The following ADGRV1 variants were observed in gnomAD, a reference collection of about 807,000 sequenced individuals.
ADGRV1 encodes the protein G-protein coupled receptor 98.
A neutral mutation model predicts 596.2 loss-of-function variants in ADGRV1; 359 were observed. The observed-to-expected ratio is 0.60, with a 90% CI of 0.55 to 0.66. ADGRV1 has a LOEUF of 0.66. Among genes scored for constraint, ADGRV1 ranks in the 30% least tolerant of loss-of-function variants. The probability of loss-of-function intolerance (pLI) is 0.00; values close to 1 mark genes in which losing one functional copy is unlikely to be tolerated. For synonymous variants in ADGRV1, 2,681 were observed against 2,679.2 expected (o/e 1.00, Z -0.02); for missense variants, 7,274 against 7,575.6 (o/e 0.96, Z 1.48).
At chr5:90,676,774 C>T (rs1392328019) in intron 25 of ADGRV1, 2 of 152,696 alleles carry the variant, frequency 1.3e-5, no homozygotes, top group African/African-American at 2.4e-5. Context: ...CTAGATCTAT[C>T]TACAGATATA....
At chr5:90,648,407 T>C (rs553564714) in intron 17 of ADGRV1, among the ~76,000 whole-genome samples, 1 of 152,336 alleles carries the variant, frequency 6.6e-6, no homozygotes, top group South Asian at 2.1e-4. Context: ...AAGGAGTTTT[T>C]TTTTCCTTGA....
chr5:90,988,124 T>C (rs1222380149), intron 85 of ADGRV1, among the ~76,000 whole-genome samples: 1 of 152,192 alleles, frequency 6.6e-6, no homozygotes, highest in African/African-American at 2.4e-5. Context: ...CTTCTCTTCT[T>C]TACAAGATTG....
chr5:90,704,485 C>G lies in ADGRV1; in HGVS notation c.8383C>G (p.Gln2795Glu). ...AGTCATTCTGTATGATGTCAGGACA[C>G]AAGGTAATTCAGAATTTAATTTTAA... ...YQVILYDVRT[Q>E]GVPPAGIALL... is the part of the protein sequence containing the mutation. The change falls in exon 36 of 90, where the codon CAA becomes GAA. Residue 2795 changes from glutamine (Q) to glutamate (E), a missense_variant. Gln to Glu is a conservative substitution (Grantham distance 29, BLOSUM62 2). This residue lies in a region of ADGRV1 where 3,643 missense variants were observed against 3,809.2 expected (regional missense o/e 0.96). Transcript: ENST00000405460. The G allele has an allele frequency of 2.0e-6, 3 of 1,511,950 alleles. No homozygotes were observed. The highest frequency in any genetic ancestry group is 2.7e-6 in the Non-Finnish European group (3 of 1,112,208). 93.7% of individuals were successfully genotyped at this position (1,511,950 alleles called of 1,614,324 possible).
At chr5:91,002,213 A>G (rs77767762) in intron 85 of ADGRV1, among the ~76,000 whole-genome samples, 1 of 152,160 alleles carries the variant, frequency 6.6e-6, no homozygotes, top group Non-Finnish European at 1.5e-5. Context: ...GTTCTGCTCA[A>G]TGAAATTTTT....
At position 90,648,303 on chromosome 5, in the gene ADGRV1, C is replaced by T. The variant is rs760487760; in HGVS notation, c.3289+539C>T. 2.1e-3 allele frequency among the ~76,000 whole-genome samples: 326 copies of T among 152,342 alleles called. 4 individuals are homozygous for T. Among genetic ancestry groups the T allele is most frequent in the East Asian group, 7.7e-4 (4 of 5,186 alleles). ...AATGAAACAGGATGTTTTAACCCCA[C>T]TCTTTGGGATTTGAGAATGTTTTGG... is the stretch of plus-strand genomic sequence containing the variant. On this transcript the variant is annotated intron_variant, in intron 17 of 89. Transcript: ENST00000405460.
intron 50 of ADGRV1, among the ~76,000 whole-genome samples, chr5:90,733,959 G>T (rs186855807): frequency 2.0e-5 from 3 of 152,112 alleles, no homozygotes; most frequent in Admixed American, 6.6e-5. Flanking sequence ...GACTATTGTT[G>T]TACCCTTTGC....
chr5:91,001,448 C>T (rs769598904), intron 85 of ADGRV1, among the ~76,000 whole-genome samples: 2 of 152,042 alleles, frequency 1.3e-5, no homozygotes, highest in Non-Finnish European at 2.9e-5. Flanking sequence ...TGAAATTAAC[C>T]ATCACATGTC....
chr5:90,596,461 CG>C (rs1407919954), intron 1 of ADGRV1, among the ~76,000 whole-genome samples: 1 of 151,870 alleles, frequency 6.6e-6, no homozygotes, highest in Non-Finnish European at 1.5e-5. Flanking sequence ...GAGGTTGTAG[CG>C]AGCCGAGATC....
chr5:90,615,538 A>G (rs960973183), intron 2 of ADGRV1, among the ~76,000 whole-genome samples: 3 of 151,934 alleles, frequency 2.0e-5, no homozygotes, highest in Admixed American at 2.0e-4. Context: ...TTGTGTGTGC[A>G]TAAGTATGTG....
chr5:90,758,089 T>C (rs1044404547), intron 57 of ADGRV1, among the ~76,000 whole-genome samples: 9 of 152,216 alleles, frequency 5.9e-5, no homozygotes, highest in South Asian at 2.1e-4. Context: ...TCCCAGCACT[T>C]TGGGAGGCCG....
At chr5:90,907,609 T>A (rs1430019815) in intron 83 of ADGRV1, among the ~76,000 whole-genome samples, 1 of 152,054 alleles carries the variant, frequency 6.6e-6, no homozygotes, top group Non-Finnish European at 1.5e-5. Flanking sequence ...CCAACTGTGA[T>A]TTCTCCCATC....
chr5:90,910,554 TC>T (rs1772780417), intron 83 of ADGRV1, among the ~76,000 whole-genome samples: 13 of 11,238 alleles, frequency 1.2e-3, no homozygotes, highest in East Asian at 4.8e-3. Flanking sequence ...ATATATATTA[TC>T]TATCTATCTA....
At chr5:91,063,846 CTGGTGG>C (rs199538556) in intron 85 of ADGRV1, among the ~76,000 whole-genome samples, 10 of 151,138 alleles carry the variant, frequency 6.6e-5, no homozygotes, top group East Asian at 5.8e-4. Flanking sequence ...CATAGGGGAG[CTGGTGG>C]TGGTGGTGGT....
chr5:90,945,528 T>G (rs1346502179), intron 83 of ADGRV1, among the ~76,000 whole-genome samples: 1 of 152,172 alleles, frequency 6.6e-6, no homozygotes, highest in Non-Finnish European at 1.5e-5. Flanking sequence ...CACAGCAGAT[T>G]ACTATCTTGG....
intron 53 of ADGRV1, among the ~76,000 whole-genome samples, chr5:90,752,093 C>T (rs950590224): frequency 2.0e-5 from 3 of 152,066 alleles, no homozygotes; most frequent in African/African-American, 4.8e-5. Context: ...GCCATTTGGT[C>T]TCTTTCACTA....
chr5:90,934,719 G>A (rs1478605874), intron 83 of ADGRV1, among the ~76,000 whole-genome samples: 3 of 152,224 alleles, frequency 2.0e-5, no homozygotes, highest in Non-Finnish European at 4.4e-5. Context: ...AACAGACTGT[G>A]TGACTTAAAC....
intron 1 of ADGRV1, among the ~76,000 whole-genome samples, chr5:90,584,199 T>C (rs1260432741): frequency 6.6e-6 from 1 of 152,198 alleles, no homozygotes; most frequent in African/African-American, 2.4e-5. Context: ...CTTGGTAAAG[T>C]TAGCTGCTAT....
intron 1 of ADGRV1, among the ~76,000 whole-genome samples, chr5:90,573,278 C>G (rs1756777801): frequency 6.6e-6 from 1 of 152,138 alleles, no homozygotes; most frequent in Non-Finnish European, 1.5e-5. Context: ...TGGCTTCTGT[C>G]TTTTTGGTGG....
At chr5:91,011,140 A>T (rs1242567827) in intron 85 of ADGRV1, among the ~76,000 whole-genome samples, 1 of 151,966 alleles carries the variant, frequency 6.6e-6, no homozygotes, top group Non-Finnish European at 1.5e-5. Context: ...GATTGTCTTC[A>T]TCACAACCTT....
Sources: gnomAD v4.1 joint callset for allele counts (sites outside exome capture counted in the v4.1 genomes callset) on GRCh38, gnomAD v4.1.1 for gene constraint, gnomAD v4.1.1 regional missense constraint, MANE v1.5 for transcripts, NCBI Gene and HGNC (gene_info 2026-07-23, HGNC 2026-07-21) for gene names.